The following LHFPL3 variants were observed in gnomAD, a reference collection of about 807,000 sequenced individuals.
LHFPL3 encodes the protein LHFPL tetraspan subfamily member 3.
Under a neutral mutation model 19.3 loss-of-function variants are expected in LHFPL3, and 5 were observed. The observed-to-expected ratio is 0.26, with a 90% CI of 0.14 to 0.54. LHFPL3 has a LOEUF of 0.54. Among genes scored for constraint, LHFPL3 ranks in the 20% least tolerant of loss-of-function variants. The pLI, the probability that LHFPL3 is intolerant of heterozygous loss-of-function variation, is 0.94. For synonymous variants in LHFPL3, 133 were observed against 126.2 expected (o/e 1.05, Z -0.36); for missense variants, 249 against 307.4 (o/e 0.81, Z 1.42).
chr7:104,418,660 T>A (rs2116528153), intron 1 of LHFPL3, among the ~76,000 whole-genome samples: 1 of 152,224 alleles, frequency 6.6e-6, no homozygotes, highest in African/African-American at 2.4e-5. Context: ...TGCTTAGGAT[T>A]TGGGAGAAGA....
At chr7:104,722,116 T>C (rs369930237) in intron 1 of LHFPL3, among the ~76,000 whole-genome samples, 1 of 152,216 alleles carries the variant, frequency 6.6e-6, no homozygotes, top group East Asian at 1.9e-4. Flanking sequence ...CATATTTCAA[T>C]ATGTTGCCTT....
chr7:104,857,413 A>G (rs576908525), intron 2 of LHFPL3, among the ~76,000 whole-genome samples: 1 of 152,346 alleles, frequency 6.6e-6, no homozygotes, highest in Non-Finnish European at 1.5e-5. Flanking sequence ...GGATTCATGA[A>G]GTATACAACA....
intron 2 of LHFPL3, among the ~76,000 whole-genome samples, chr7:104,807,873 C>T (rs1156689880): frequency 6.6e-6 from 1 of 152,224 alleles, no homozygotes; most frequent in Non-Finnish European, 1.5e-5. Flanking sequence ...TTATTGAATG[C>T]ATTGGTAGAC....
intron 1 of LHFPL3, among the ~76,000 whole-genome samples, chr7:104,632,917 A>T (rs1791669192): frequency 6.6e-6 from 1 of 152,254 alleles, no homozygotes; most frequent in Admixed American, 6.5e-5. Flanking sequence ...GGTCTCCCAA[A>T]GTGCTAGATT....
At chr7:104,672,752 A>C (rs77797768) in intron 1 of LHFPL3, among the ~76,000 whole-genome samples, 4,941 of 152,274 alleles carry the variant, frequency 0.032, 275 homozygotes, top group African/African-American at 0.11. Flanking sequence ...TCACCTTCCC[A>C]GTTCATCCTG....
chr7:104,424,198 G>A (rs1791792814), intron 1 of LHFPL3, among the ~76,000 whole-genome samples: 1 of 152,186 alleles, frequency 6.6e-6, no homozygotes, highest in African/African-American at 2.4e-5. Context: ...GAGATTTGCT[G>A]ATATTATTAT....
intron 1 of LHFPL3, among the ~76,000 whole-genome samples, chr7:104,591,617 A>C (rs1790724956): frequency 2.0e-5 from 3 of 152,110 alleles, no homozygotes; most frequent in Admixed American, 2.0e-4. Context: ...CTCGAGGAGT[A>C]TCTTTGTGGC....
At chr7:104,884,952 GA>G (rs35437828) in intron 2 of LHFPL3, among the ~76,000 whole-genome samples, 4 of 152,142 alleles carry the variant, frequency 2.6e-5, no homozygotes, top group African/African-American at 4.8e-5. Context: ...GGCAACTCAG[GA>G]AAGGATAGAA....
At chr7:104,705,745 C>A (rs1467255639) in intron 1 of LHFPL3, among the ~76,000 whole-genome samples, 2 of 152,146 alleles carry the variant, frequency 1.3e-5, no homozygotes, top group East Asian at 1.9e-4. Context: ...AGCTGTCAGT[C>A]CCCACACTGA....
chr7:104,847,136 T>C lies in LHFPL3; in HGVS notation c.683-59051T>C, dbSNP rs188594724. On this transcript the variant is annotated intron_variant, in intron 2 of 2. Coordinates refer to ENST00000424859, the MANE Select transcript of LHFPL3 (RefSeq NM_199000.3). ...TCAGATAGATGTGGCAAGCTCCGGTTTGGTCATCTCAAATCTGCCAATTTC... is the reference window on the plus strand; with the variant it reads ...TCAGATAGATGTGGCAAGCTCCGGTCTGGTCATCTCAAATCTGCCAATTTC... Among the ~76,000 whole-genome samples, 13 of 152,294 alleles carry C rather than the reference T, an allele frequency of 8.5e-5. No individual in the cohort carries two copies. The East Asian group carries it at 2.5e-3, about 29-fold the overall frequency.
intron 2 of LHFPL3, among the ~76,000 whole-genome samples, chr7:104,746,198 G>C (rs1418268753): frequency 1.3e-5 from 2 of 152,174 alleles, no homozygotes; most frequent in Non-Finnish European, 2.9e-5. Context: ...TGTAGTCCCA[G>C]ATACTTGGGA....
At chr7:104,429,460 A>G (rs954018206) in intron 1 of LHFPL3, among the ~76,000 whole-genome samples, 1 of 150,608 alleles carries the variant, frequency 6.6e-6, no homozygotes. Context: ...GGTGCCCACA[A>G]CTATGCCAGG....
At position 104,832,446 on chromosome 7, in the gene LHFPL3, T is replaced by G. The variant is rs1305698534; in HGVS notation, c.683-73741T>G. 2.0e-5 allele frequency among the ~76,000 whole-genome samples: 3 copies of G among 151,806 alleles called. No homozygotes were observed. In the East Asian group the frequency reaches 5.8e-4, roughly 29 times the overall value. On this transcript the variant is annotated intron_variant, in intron 2 of 2. Transcript: ENST00000424859. ...ATAACCAGTTTTCATTTTGTCCAAA[T>G]GTGTCATCGCATAATACTCCTGTAA...
At chr7:104,482,673 C>T (rs911003885) in intron 1 of LHFPL3, among the ~76,000 whole-genome samples, 4 of 152,184 alleles carry the variant, frequency 2.6e-5, no homozygotes, top group Non-Finnish European at 5.9e-5. Context: ...TTCTCCCTGC[C>T]ACCTCCTTGA....
chr7:104,372,003 A>T (rs1790625795), intron 1 of LHFPL3, among the ~76,000 whole-genome samples: 1 of 152,318 alleles, frequency 6.6e-6, no homozygotes, highest in Admixed American at 6.5e-5. Flanking sequence ...GTTAATTAGT[A>T]TTTCGTTTCC....
Position 104,644,214 on chromosome 7 carries a change from C to G in LHFPL3, c.446-92461C>G, listed in dbSNP as rs1036014484. Among the ~76,000 whole-genome samples, 4 of 152,156 alleles carry G rather than the reference C, an allele frequency of 2.6e-5. No homozygotes were observed. In the South Asian group the frequency reaches 8.3e-4, roughly 32 times the overall value. On this transcript the variant is annotated intron_variant, in intron 1 of 2. Coordinates refer to ENST00000424859, the MANE Select transcript of LHFPL3 (RefSeq NM_199000.3). ...AGTTTTGTTTGCTGGATCTTTCTAG[C>G]AAAACTCAGAACTGTATCTGTAGAG...
chr7:104,835,094 T>G (rs1791065955), intron 2 of LHFPL3, among the ~76,000 whole-genome samples: 3 of 151,942 alleles, frequency 2.0e-5, no homozygotes, highest in African/African-American at 7.3e-5. Context: ...TGAGTTCAAG[T>G]CCTGACACTT....
chr7:104,601,145 T>G (rs1790957796), intron 1 of LHFPL3, among the ~76,000 whole-genome samples: 1 of 152,204 alleles, frequency 6.6e-6, no homozygotes, highest in African/African-American at 2.4e-5. Context: ...ATATCTCTCC[T>G]TATACCACAG....
At chr7:104,408,864 CTTTT>C (rs561975535) in intron 1 of LHFPL3, among the ~76,000 whole-genome samples, 3 of 105,430 alleles carry the variant, frequency 2.8e-5, no homozygotes, top group Non-Finnish European at 3.7e-5. Flanking sequence ...AATTTTCTTT[CTTTT>C]TTTTTTTTTT....
Sources: gnomAD v4.1 joint callset for allele counts (sites outside exome capture counted in the v4.1 genomes callset) on GRCh38, gnomAD v4.1.1 for gene constraint, MANE v1.5 for transcripts, NCBI Gene and HGNC (gene_info 2026-07-23, HGNC 2026-07-21) for gene names.